The following PXDNL variants were observed in gnomAD, a reference collection of about 807,000 sequenced individuals.
The protein encoded by PXDNL is probable oxidoreductase PXDNL.
PXDNL carries 145 observed loss-of-function variants against 150.8 expected under a neutral mutation model. That is an observed-to-expected ratio of 0.96 (90% CI 0.84 to 1.10). The LOEUF (loss-of-function observed/expected upper bound fraction) is 1.10. PXDNL is among the 50% of genes least tolerant of loss of function. The pLI is 0.00. For missense variants in PXDNL, 2,087 were observed against 1,873.9 expected (o/e 1.11, Z -2.10); for synonymous variants, 757 against 725.7 (o/e 1.04, Z -0.69).
At chr8:51,705,155 A>C (rs1449903403) in intron 1 of PXDNL, among the ~76,000 whole-genome samples, 2 of 152,214 alleles carry the variant, frequency 1.3e-5, no homozygotes, top group Non-Finnish European at 2.9e-5. Flanking sequence ...ATTCTCAGGC[A>C]TGGGGGGTCT....
chr8:51,361,368 G>C (rs981749727), intron 19 of PXDNL, among the ~76,000 whole-genome samples: 6 of 152,104 alleles, frequency 3.9e-5, no homozygotes, highest in Non-Finnish European at 8.8e-5. Flanking sequence ...GGATTTTTGT[G>C]TTCTACCCCT....
chr8:51,394,369 TG>T (rs1292242476), intron 17 of PXDNL, among the ~76,000 whole-genome samples: 5 of 152,174 alleles, frequency 3.3e-5, no homozygotes, highest in Non-Finnish European at 7.3e-5. Context: ...GGCTTCCATT[TG>T]GGGACTTTTT....
At chr8:51,613,938 C>T (rs570646056) in intron 2 of PXDNL, among the ~76,000 whole-genome samples, 1 of 152,294 alleles carries the variant, frequency 6.6e-6, no homozygotes, top group South Asian at 2.1e-4. Context: ...GTGCCCCAGT[C>T]TCTCTGTCCT....
chr8:51,336,528 G>C (rs1256351959), intron 21 of PXDNL, among the ~76,000 whole-genome samples: 1 of 152,148 alleles, frequency 6.6e-6, no homozygotes, highest in Non-Finnish European at 1.5e-5. Flanking sequence ...AAGACCGTTG[G>C]CCCTCACAAA....
At chr8:51,630,017 A>G (rs1190744245) in intron 2 of PXDNL, among the ~76,000 whole-genome samples, 7 of 152,206 alleles carry the variant, frequency 4.6e-5, no homozygotes, top group African/African-American at 1.4e-4. Flanking sequence ...TGGAGGCATT[A>G]CATTATCCAA....
intron 5 of PXDNL, among the ~76,000 whole-genome samples, chr8:51,490,093 G>T (rs373560038): frequency 1.3e-5 from 2 of 152,078 alleles, no homozygotes; most frequent in Admixed American, 6.5e-5. Flanking sequence ...ATATTGCAAA[G>T]ACACATAATG....
chr8:51,771,728 CAGAA>C (rs1461266802), intron 1 of PXDNL, among the ~76,000 whole-genome samples: 1 of 152,070 alleles, frequency 6.6e-6, no homozygotes, highest in Non-Finnish European at 1.5e-5. Context: ...GAGAGACAGA[CAGAA>C]AGAGACAGAG....
chr8:51,664,050 C>CA (rs59020717), intron 1 of PXDNL, among the ~76,000 whole-genome samples: 6,127 of 78,784 alleles, frequency 0.078, 250 homozygotes, highest in Middle Eastern at 0.12. Context: ...GACTCTGTCT[C>CA]AAAAAAAAAA....
At chr8:51,343,082 A>G (rs1278507669) in intron 20 of PXDNL, among the ~76,000 whole-genome samples, 2 of 152,186 alleles carry the variant, frequency 1.3e-5, no homozygotes, top group Admixed American at 1.3e-4. Flanking sequence ...GAATGTTGCT[A>G]TATTTTGGAT....
chr8:51,423,610 C>T lies in PXDNL; in HGVS notation c.1760G>A (p.Gly587Asp). 1 of 1,613,750 alleles carries T rather than the reference C, an allele frequency of 6.2e-7. No individual in the cohort carries two copies. The highest frequency in any genetic ancestry group is 1.1e-5 in the South Asian group (1 of 91,054). Reference protein sequence around the residue: ...RYECVARNSFGLAVTNMFLTV... With the variant: ...RYECVARNSFDLAVTNMFLTV... ...AAGAAACATGTTGGTCACAGCAAGG[C>T]CAAAAGAATTCCGAGCCACACATTC... Residue 587 changes from glycine (G) to aspartate (D), a missense_variant, in exon 14 of 23, where the codon GGC becomes GAC. Transcript: ENST00000356297.
chr8:51,694,252 A>C (rs1042271732), intron 1 of PXDNL, among the ~76,000 whole-genome samples: 2 of 152,128 alleles, frequency 1.3e-5, no homozygotes, highest in Non-Finnish European at 2.9e-5. Flanking sequence ...AATCCCAGCC[A>C]CTTGGAAGGC....
chr8:51,413,917 G>T (rs1239993275), intron 14 of PXDNL, among the ~76,000 whole-genome samples: 1 of 151,972 alleles, frequency 6.6e-6, no homozygotes, highest in Non-Finnish European at 1.5e-5. Flanking sequence ...TCATATCAGA[G>T]AAATAATCAG....
intron 17 of PXDNL, among the ~76,000 whole-genome samples, chr8:51,379,870 G>A (rs1807479111): frequency 6.6e-6 from 1 of 152,000 alleles, no homozygotes; most frequent in Non-Finnish European, 1.5e-5. Flanking sequence ...TTTAATCCAA[G>A]GGTAGCCACT....
intron 13 of PXDNL, among the ~76,000 whole-genome samples, chr8:51,424,241 T>C (rs921401179): frequency 2.4e-4 from 36 of 152,014 alleles, no homozygotes; most frequent in Admixed American, 2.2e-3. Flanking sequence ...TGGTAGTGTG[T>C]GCCTGTAGTT....
chr8:51,468,527 G>A (rs1810253489), intron 8 of PXDNL, among the ~76,000 whole-genome samples: 1 of 151,694 alleles, frequency 6.6e-6, no homozygotes, highest in South Asian at 2.1e-4. Flanking sequence ...GCATATAGCT[G>A]GATTTTAAAA....
chr8:51,797,894 C>T (rs1394669287), intron 1 of PXDNL, among the ~76,000 whole-genome samples: 1 of 151,938 alleles, frequency 6.6e-6, no homozygotes, highest in African/African-American at 2.4e-5. Context: ...AAAGAACAAA[C>T]CTGGAGGCAT....
At chr8:51,508,715 A>G (rs551613999) in intron 4 of PXDNL, among the ~76,000 whole-genome samples, 86 of 152,094 alleles carry the variant, frequency 5.7e-4, no homozygotes, top group Non-Finnish European at 1.1e-3. Context: ...GCCAGCCCTC[A>G]CCGCCGCCTT....
chr8:51,634,644 A>G (rs923008685), intron 2 of PXDNL, among the ~76,000 whole-genome samples: 5 of 151,986 alleles, frequency 3.3e-5, no homozygotes, highest in African/African-American at 9.7e-5. Flanking sequence ...TGTGACATCT[A>G]TGATTTCTTT....
At chr8:51,534,397 G>A (rs1242385860) in intron 4 of PXDNL, among the ~76,000 whole-genome samples, 2 of 145,926 alleles carry the variant, frequency 1.4e-5, no homozygotes, top group Non-Finnish European at 3.0e-5. Flanking sequence ...AGTCCGGGAG[G>A]TGAGGGGCGC....
Sources: allele counts gnomAD v4.1 joint callset (sites outside exome capture counted in the v4.1 genomes callset), GRCh38; gene constraint gnomAD v4.1.1; transcripts MANE v1.5; gene names NCBI Gene and HGNC (gene_info 2026-07-23, HGNC 2026-07-21).